Variants in SLPI observed in about 807,000 individuals in gnomAD.
SLPI encodes the protein antileukoproteinase.
Under a neutral mutation model 14.3 loss-of-function variants are expected in SLPI, and 20 were observed. The ratio of observed to expected loss-of-function variants is 1.40; its 90% confidence interval spans 0.99 to 2.04. SLPI has a LOEUF of 2.04. Among genes scored for constraint, SLPI ranks in the 30% most tolerant of loss-of-function variants. The pLI, the probability that SLPI is intolerant of heterozygous loss-of-function variation, is 0.00. For synonymous variants in SLPI, 68 were observed against 54.8 expected, an observed-to-expected ratio of 1.24 and a Z score of -1.07; for missense variants, 169 against 159.4, an observed-to-expected ratio of 1.06 and a Z score of -0.32.
intron 1 of SLPI, among the ~76,000 whole-genome samples, chr20:45,254,205 G>C (rs953001728): frequency 6.8e-6 from 1 of 146,176 alleles, no homozygotes; most frequent in African/African-American, 2.7e-5. Flanking sequence ...GTATGAGAGA[G>C]AGAGAGAGAG....
chr20:45,253,437 G>A, intron 2 of SLPI, 138 bp downstream of exon 2: 2 of 877,886 alleles, frequency 2.3e-6, no homozygotes, highest in South Asian at 1.8e-5. Context: ...CCAGCTGCTG[G>A]CTACCTTCCT....
At chr20:45,254,168 T>G (rs1984747391) in intron 1 of SLPI, among the ~76,000 whole-genome samples, 1 of 133,700 alleles carries the variant, frequency 7.5e-6, no homozygotes, top group Middle Eastern at 3.7e-3. Flanking sequence ...GATTTGAGAG[T>G]CGCAGACAGG....
At chr20:45,252,928 A>T (rs1401554317) in intron 3 of SLPI, 74 bp downstream of exon 3, 10 of 1,522,362 alleles carry the variant, frequency 6.6e-6, no homozygotes, top group Non-Finnish European at 8.1e-6. Context: ...CCCCCTGCCC[A>T]TATGCCTGGG....
chr20:45,253,115 C>T lies in SLPI; in HGVS notation c.281G>A (p.Gly94Asp), dbSNP rs867042025. ...RKPGKCPVTYGQCLMLNPPNF... is the reference protein window; with the variant it reads ...RKPGKCPVTYDQCLMLNPPNF... The stretch of plus-strand genomic sequence containing the variant: ...GGGGGGGTTAAGCATCAAACATTGG[C>T]CATAAGTCACTGGGCACTTCCCAGG... The change falls in exon 3 of 4, where the codon GGC becomes GAC. Residue 94 changes from glycine (G) to aspartate (D), a missense_variant. Transcript: ENST00000338380. The T allele has an allele frequency of 1.2e-6, 2 of 1,614,150 alleles. No individual in the cohort carries two copies. The highest frequency in any genetic ancestry group is 1.7e-6 in the Non-Finnish European group (2 of 1,180,008).
chr20:45,252,365 A>G lies in SLPI; in HGVS notation c.*50T>C, dbSNP rs1207299476. 6.2e-7 allele frequency: 1 copy of G among 1,606,384 alleles called. No individual in the cohort carries two copies. The highest frequency in any genetic ancestry group is 8.5e-7 in the Non-Finnish European group (1 of 1,174,230). On this transcript the variant is annotated 3_prime_UTR_variant, in exon 4 of 4. Transcript: ENST00000338380. ...GGAGCCAAGTCTCAGGGTGGAAAGG[A>G]CCTGGACCACACAGAGCAGGACTCC...
rs760066450 is a variant in SLPI, at chr20:45,253,642, C to G, written c.177G>C (p.Gly59=). The change falls in exon 2 of 4, where the codon GGG becomes GGC. Residue 59 remains glycine (G), a synonymous_variant. Transcript: ENST00000338380. ...PECQSDWQCP[G]KKRCCPDTCG... ...AAGTGTCAGGACAACATCTCTTCTTCCCTGGACACTGCCAGTCACTCTGGC... is the reference window on the plus strand; with the variant it reads ...AAGTGTCAGGACAACATCTCTTCTTGCCTGGACACTGCCAGTCACTCTGGC... 2 of 1,614,134 alleles carry G rather than the reference C, an allele frequency of 1.2e-6. No individual in the cohort carries two copies. The highest frequency in any genetic ancestry group is 4.5e-5 in the East Asian group (2 of 44,886).
At position 45,253,136 on chromosome 20, in the gene SLPI, C is replaced by T; in HGVS notation, c.260G>A (p.Gly87Glu). The T allele has an allele frequency of 1.2e-6, 2 of 1,613,978 alleles. No individual in the cohort carries two copies. Among genetic ancestry groups the T allele is most frequent in the South Asian group, 2.2e-5 (2 of 91,058 alleles). ...TTGGCCATAAGTCACTGGGCACTTCCCAGGCTTCCTCCTTGCTGGGTGAGA... is the reference window on the plus strand; with the variant it reads ...TTGGCCATAAGTCACTGGGCACTTCTCAGGCTTCCTCCTTGCTGGGTGAGA... ...DTPNPTRRKPGKCPVTYGQCL... is the reference protein window; with the variant it reads ...DTPNPTRRKPEKCPVTYGQCL... The change falls in exon 3 of 4, where the codon GGG becomes GAG. Residue 87 changes from glycine (G) to glutamate (E), a missense_variant. Coordinates refer to ENST00000338380, the MANE Select transcript of SLPI (RefSeq NM_003064.4).
chr20:45,253,087 A>T lies in SLPI; in HGVS notation c.309T>A (p.Asn103Lys). 6.2e-7 allele frequency: 1 copy of T among 1,614,150 alleles called. No homozygotes were observed. The highest frequency in any genetic ancestry group is 1.1e-5 in the South Asian group (1 of 91,074). Residue 103 changes from asparagine to lysine, a missense_variant, in exon 3 of 4, where the codon AAT becomes AAA. By Grantham distance (94) the Asn-to-Lys change is moderately conservative. Coordinates refer to ENST00000338380, the MANE Select transcript of SLPI (RefSeq NM_003064.4). ...YGQCLMLNPP[N>K]FCEMDGQCKR... ...TGCACTGGCCATCCATCTCACAGAA[A>T]TTGGGGGGGTTAAGCATCAAACATT...
Position 45,252,411 on chromosome 20 carries a change from G to A in SLPI, c.*4C>T, listed in dbSNP as rs1336826705. 6.2e-7 allele frequency: 1 copy of A among 1,613,826 alleles called. No individual in the cohort carries two copies. Among genetic ancestry groups the A allele is most frequent in the South Asian group, 1.1e-5 (1 of 91,008 alleles). ...ACTCCAGAGCCTCCTCCATATGGCA[G>A]GAATCAAGCTGTGAGAGAAAATCAG... On this transcript the variant is annotated 3_prime_UTR_variant, in exon 4 of 4. Transcript: ENST00000338380.
In SLPI at chr20:45,254,391, C is replaced by T. The variant is rs1185111479; in HGVS notation, c.85+68G>A. The T allele has an allele frequency of 4.4e-6, 6 of 1,362,010 alleles. No individual in the cohort carries two copies. The Admixed American group carries it at 1.1e-4, about 24-fold the overall frequency. 84.4% of individuals were successfully genotyped at this position (1,362,010 alleles called of 1,614,324 possible). ...ATCAGAGCCTACAGAAGGGGACACACCCACACCACAAGGAGACCCCACCTC... is the reference window on the plus strand; with the variant it reads ...ATCAGAGCCTACAGAAGGGGACACATCCACACCACAAGGAGACCCCACCTC... On this transcript the variant is annotated intron_variant, in intron 1 of 3. Coordinates refer to ENST00000338380, the MANE Select transcript of SLPI (RefSeq NM_003064.4).
At chr20:45,253,275 T>C (rs1185737932) in intron 2 of SLPI, 124 bp from the exon 3 acceptor site, 5 of 1,166,632 alleles carry the variant, frequency 4.3e-6, no homozygotes, top group Non-Finnish European at 6.0e-6. Context: ...CCCACCTCTA[T>C]CACCACCACC....
chr20:45,253,173 G>A (rs377453826), intron 2 of SLPI, 22 bp from the exon 3 acceptor site: 71 of 1,611,458 alleles, frequency 4.4e-5, no homozygotes, highest in Non-Finnish European at 5.6e-5. Flanking sequence ...TGAGGCTACC[G>A]GTCAGAGGCC....
Position 45,252,362 on chromosome 20 carries a change from AG to A in SLPI, c.*52del. The stretch of plus-strand genomic sequence containing the variant: ...GGTGGAGCCAAGTCTCAGGGTGGAA[AG>A]GACCTGGACCACACAGAGCAGGACT... On this transcript the variant is annotated 3_prime_UTR_variant, in exon 4 of 4. Coordinates refer to ENST00000338380, the MANE Select transcript of SLPI (RefSeq NM_003064.4). 6.3e-7 allele frequency: 1 copy of A among 1,599,802 alleles called. No individual in the cohort carries two copies. The highest frequency in any genetic ancestry group is 8.5e-7 in the Non-Finnish European group (1 of 1,171,144).
chr20:45,253,037 C>G lies in SLPI; in HGVS notation c.359G>C (p.Gly120Ala). Residue 120 changes from glycine to alanine, a missense_variant, in exon 3 of 4, where the codon GGC (glycine) becomes GCC (alanine). By Grantham distance (60) the Gly-to-Ala change is moderately conservative (BLOSUM62 0). Coordinates refer to ENST00000338380, the MANE Select transcript of SLPI (RefSeq NM_003064.4). Reference protein sequence around the residue: ...QCKRDLKCCMGMCGKSCVSPV... With the variant: ...QCKRDLKCCMAMCGKSCVSPV... Reference sequence around the variant, plus strand: ...GGAAACGCAGGATTTCCCACACATGCCCATGCAACACTTCAAGTCACGCTT... The same window carrying G: ...GGAAACGCAGGATTTCCCACACATGGCCATGCAACACTTCAAGTCACGCTT... 2 of 1,614,168 alleles carry G rather than the reference C, an allele frequency of 1.2e-6. No individual in the cohort carries two copies. Among genetic ancestry groups the G allele is most frequent in the Non-Finnish European group, 1.7e-6 (2 of 1,179,998 alleles).
chr20:45,253,617 A>T lies in SLPI; in HGVS notation c.202T>A (p.Cys68Ser), dbSNP rs759325548. Residue 68 changes from cysteine to serine, a missense_variant, in exon 2 of 4, where the codon TGT (cysteine) becomes AGT (serine). Coordinates refer to ENST00000338380, the MANE Select transcript of SLPI (RefSeq NM_003064.4). ...PGKKRCCPDTCGIKCLDPVDT... is the reference protein window; with the variant it reads ...PGKKRCCPDTSGIKCLDPVDT... ...ACAGGATCCAGGCATTTGATGCCAC[A>T]AGTGTCAGGACAACATCTCTTCTTC... 15 of 1,614,020 alleles carry T rather than the reference A, an allele frequency of 9.3e-6. No individual in the cohort carries two copies. The South Asian group carries it at 1.5e-4, about 17-fold the overall frequency.
intron 3 of SLPI, among the ~76,000 whole-genome samples, chr20:45,252,755 G>A (rs1984697599): frequency 6.6e-6 from 1 of 152,146 alleles, no homozygotes; most frequent in Admixed American, 6.5e-5. Flanking sequence ...AAGAAACTGA[G>A]ACTCAGAAAG....
chr20:45,254,176 A>G (rs773101212), intron 1 of SLPI, among the ~76,000 whole-genome samples: 1 of 151,002 alleles, frequency 6.6e-6, no homozygotes, highest in Non-Finnish European at 1.5e-5. Flanking sequence ...AGTCGCAGAC[A>G]GGTGAAGAAG....
At chr20:45,253,173 G>T (rs377453826) in intron 2 of SLPI, 22 bp from the exon 3 acceptor site, 3 of 1,611,460 alleles carry the variant, frequency 1.9e-6, no homozygotes, top group East Asian at 2.2e-5. Flanking sequence ...TGAGGCTACC[G>T]GTCAGAGGCC....
chr20:45,254,481 C>A lies in SLPI; in HGVS notation c.63G>T (p.Trp21Cys). The A allele has an allele frequency of 6.2e-7, 1 of 1,614,114 alleles. No homozygotes were observed. Among genetic ancestry groups the A allele is most frequent in the South Asian group, 1.1e-5 (1 of 91,080 alleles). Residue 21 changes from tryptophan (W) to cysteine (C), a missense_variant, in exon 1 of 4, where the codon TGG becomes TGT. Physicochemically the swap from Trp to Cys is radical, Grantham distance 215 (BLOSUM62 -2). Coordinates refer to ENST00000338380, the MANE Select transcript of SLPI (RefSeq NM_003064.4). ...VLLALGTLAP[W>C]AVEGSGKSFK... The stretch of plus-strand genomic sequence containing the variant: ...TACACTTTCCAGAGCCTTCCACAGC[C>A]CAAGGTGCCAGAGTTCCCAGGGCAA...
Sources: gnomAD v4.1 joint callset for allele counts (sites outside exome capture counted in the v4.1 genomes callset) on GRCh38, gnomAD v4.1.1 for gene constraint, MANE v1.5 for transcripts, NCBI Gene and HGNC (gene_info 2026-07-23, HGNC 2026-07-21) for gene names.